Variants in RNGTT observed in about 807,000 individuals in gnomAD.
The protein encoded by RNGTT is RNA guanylyltransferase and 5'-phosphatase.
RNGTT carries 33 observed loss-of-function variants against 79.3 expected under a neutral mutation model. The ratio of observed to expected loss-of-function variants is 0.42; its 90% CI spans 0.32 to 0.56. The LOEUF is 0.56. Ranked by LOEUF, RNGTT falls within the 20% of genes least tolerant of loss-of-function variation. The pLI, the probability that RNGTT is intolerant of heterozygous loss-of-function variation, is 0.17. For missense variants in RNGTT, 497 were observed against 739.1 expected, an observed-to-expected ratio of 0.67 and a Z score of 3.80; for synonymous variants, 222 against 235.9, an observed-to-expected ratio of 0.94 and a Z score of 0.54.
intron 11 of RNGTT, among the ~76,000 whole-genome samples, chr6:88,808,003 G>A (rs1029613473): frequency 1.3e-5 from 2 of 151,990 alleles, no homozygotes; most frequent in Non-Finnish European, 2.9e-5. Context: ...TTTTCAGACA[G>A]ACAATAGCTG....
intron 11 of RNGTT, among the ~76,000 whole-genome samples, chr6:88,810,426 C>T (rs1780099190): frequency 6.6e-6 from 1 of 152,050 alleles, no homozygotes; most frequent in African/African-American, 2.4e-5. Context: ...ATGAAAATTT[C>T]AAAGAAATTG....
chr6:88,929,098 TG>T (rs778427711), intron 3 of RNGTT, 25 bp from the exon 4 acceptor site: 11 of 1,593,874 alleles, frequency 6.9e-6, no homozygotes, highest in Non-Finnish European at 8.6e-6. Context: ...AAAGTTTTTT[TG>T]AAAAAAGAGA....
Position 88,637,615 on chromosome 6 carries a change from C to T in RNGTT, c.1507-23220G>A, listed in dbSNP as rs187969338. Among the ~76,000 whole-genome samples, 285 of 152,120 alleles carry T rather than the reference C, an allele frequency of 1.9e-3. 3 individuals are homozygous for T. Among genetic ancestry groups the T allele is most frequent in the African/African-American group, 6.7e-3 (279 of 41,528 alleles). The stretch of plus-strand genomic sequence containing the variant: ...TCCCTGAAACAAATATTCAAAGGAA[C>T]ACCCTATGGTTTTAGTTATTTGCTT... On this transcript the variant is annotated intron_variant, in intron 14 of 15. Coordinates refer to ENST00000369485, the MANE Select transcript of RNGTT (RefSeq NM_003800.5).
rs116359124 is a variant in RNGTT, at chr6:88,750,546, C to T, written c.1439+19228G>A. Among the ~76,000 whole-genome samples the T allele has an allele frequency of 9.0e-3, 1,376 of 152,228 alleles. 20 individuals are homozygous for T. The highest frequency in any genetic ancestry group is 0.031 in the African/African-American group (1,291 of 41,548). On this transcript the variant is annotated intron_variant, in intron 13 of 15. Coordinates refer to ENST00000369485, the MANE Select transcript of RNGTT (RefSeq NM_003800.5). ...GTCTCTATCTCCTAGCCAGTTCCTT[C>T]TAAAATACAGATAATATCAATTCCA...
intron 11 of RNGTT, among the ~76,000 whole-genome samples, chr6:88,817,490 T>TA (rs11354100): frequency 0.19 from 8,395 of 44,580 alleles, 602 homozygotes; most frequent in South Asian, 0.23. Flanking sequence ...AAAAAATAAG[T>TA]AAAAAAAAAA....
At chr6:88,804,996 C>T (rs9362563) in intron 11 of RNGTT, among the ~76,000 whole-genome samples, 19,362 of 152,212 alleles carry the variant, frequency 0.13, 1,408 homozygotes, top group Middle Eastern at 0.23. Flanking sequence ...TTTGAAGATA[C>T]CTTTAAAAGG....
chr6:88,650,997 C>T (rs1582280401), intron 14 of RNGTT, among the ~76,000 whole-genome samples: 1 of 152,058 alleles, frequency 6.6e-6, no homozygotes, highest in South Asian at 2.1e-4. Context: ...TGCAAGAATT[C>T]TCAGCTTTTG....
At chr6:88,647,496 G>T (rs898257397) in intron 14 of RNGTT, among the ~76,000 whole-genome samples, 2 of 151,930 alleles carry the variant, frequency 1.3e-5, no homozygotes, top group African/African-American at 4.8e-5. Flanking sequence ...GCCAAGACAG[G>T]TGACACTTGA....
At chr6:88,730,590 A>G (rs898871464) in intron 13 of RNGTT, among the ~76,000 whole-genome samples, 3 of 152,224 alleles carry the variant, frequency 2.0e-5, no homozygotes, top group Non-Finnish European at 4.4e-5. Context: ...ACAAGAATCT[A>G]AGGCTGCCAC....
chr6:88,768,095 C>G (rs773582496), intron 13 of RNGTT, among the ~76,000 whole-genome samples: 1 of 151,538 alleles, frequency 6.6e-6, no homozygotes, highest in Non-Finnish European at 1.5e-5. Flanking sequence ...CAACTTTTTG[C>G]CATTAAGTCC....
intron 6 of RNGTT, among the ~76,000 whole-genome samples, chr6:88,903,830 G>C (rs1783553655): frequency 6.6e-6 from 1 of 151,922 alleles, no homozygotes; most frequent in African/African-American, 2.4e-5. Context: ...TTTCCCTTTG[G>C]CCTATATCAT....
chr6:88,746,609 T>C (rs1354279028), intron 13 of RNGTT, among the ~76,000 whole-genome samples: 2 of 152,112 alleles, frequency 1.3e-5, no homozygotes, highest in Non-Finnish European at 1.5e-5. Flanking sequence ...GCATGAGCAG[T>C]TCACGATGGG....
At chr6:88,722,475 A>C (rs1235837236) in intron 13 of RNGTT, among the ~76,000 whole-genome samples, 1 of 152,222 alleles carries the variant, frequency 6.6e-6, no homozygotes, top group Non-Finnish European at 1.5e-5. Flanking sequence ...AAGAGAAAGA[A>C]TCATAGCCAA....
chr6:88,698,260 A>ATATATATTTC (rs1775806276), intron 13 of RNGTT, among the ~76,000 whole-genome samples: 1 of 95,428 alleles, frequency 1.0e-5, no homozygotes, highest in African/African-American at 9.2e-5. Context: ...TATATATATA[A>ATATATATTTC]ATATATATGA....
chr6:88,858,392 C>T (rs1389192829), intron 8 of RNGTT, among the ~76,000 whole-genome samples: 1 of 151,964 alleles, frequency 6.6e-6, no homozygotes, highest in Non-Finnish European at 1.5e-5. Flanking sequence ...TTAAATAATT[C>T]CAACCATAAT....
intron 13 of RNGTT, among the ~76,000 whole-genome samples, chr6:88,747,739 C>G (rs544816994): frequency 1.3e-5 from 2 of 152,334 alleles, no homozygotes; most frequent in South Asian, 4.1e-4. Flanking sequence ...TGTTTTCAAT[C>G]TTATCTAAAC....
intron 14 of RNGTT, among the ~76,000 whole-genome samples, chr6:88,632,550 C>CACAG (rs1325709660): frequency 1.4e-5 from 2 of 140,748 alleles, no homozygotes; most frequent in East Asian, 4.3e-4. Flanking sequence ...CACAGACACA[C>CACAG]ACACACACAC....
intron 8 of RNGTT, among the ~76,000 whole-genome samples, chr6:88,866,971 C>T (rs1782194051): frequency 6.6e-6 from 1 of 152,188 alleles, no homozygotes; most frequent in African/African-American, 2.4e-5. Context: ...AAAACGGAGT[C>T]AATTCTTGCT....
intron 11 of RNGTT, among the ~76,000 whole-genome samples, 165 bp from the exon 12 acceptor site, chr6:88,801,797 C>G (rs560707415): frequency 2.1e-5 from 3 of 140,590 alleles, no homozygotes; most frequent in African/African-American, 2.7e-5. Flanking sequence ...GTTAATACAT[C>G]GTAAGATTTG....
Sources: allele counts gnomAD v4.1 joint callset (sites outside exome capture counted in the v4.1 genomes callset), GRCh38; gene constraint gnomAD v4.1.1; transcripts MANE v1.5; gene names NCBI Gene and HGNC (gene_info 2026-07-23, HGNC 2026-07-21).